GCH1: variants seen among roughly 807,000 people sequenced by gnomAD.
The protein encoded by GCH1 is GTP cyclohydrolase 1.
A neutral mutation model predicts 25.9 loss-of-function variants in GCH1; 5 were observed. The ratio of observed to expected loss-of-function variants is 0.19; its 90% confidence interval spans 0.10 to 0.41. The LOEUF is 0.41. Among genes scored for constraint, GCH1 ranks in the 10% least tolerant of loss-of-function variants. The pLI is 1.00. For missense variants in GCH1, 261 were observed against 336.5 expected (o/e 0.78, Z 1.75); for synonymous variants, 159 against 129.6 (o/e 1.23, Z -1.54).
chr14:54,872,595 G>C (rs2040097365), intron 1 of GCH1, among the ~76,000 whole-genome samples: 1 of 152,130 alleles, frequency 6.6e-6, no homozygotes, highest in Admixed American at 6.6e-5. Context: ...GCTGTATTCA[G>C]GAAACCCATC....
At chr14:54,901,522 G>C (rs2040565831) in intron 1 of GCH1, among the ~76,000 whole-genome samples, 1 of 152,182 alleles carries the variant, frequency 6.6e-6, no homozygotes, top group Non-Finnish European at 1.5e-5. Flanking sequence ...TAACAGCACC[G>C]GGTCAACCCG....
chr14:54,849,089 G>A (rs1418766269), intron 3 of GCH1, among the ~76,000 whole-genome samples: 1 of 152,224 alleles, frequency 6.6e-6, no homozygotes, highest in Non-Finnish European at 1.5e-5. Flanking sequence ...CAATAGGAAT[G>A]CCTCTAGGAT....
At chr14:54,856,774 G>A (rs1021899974) in intron 3 of GCH1, among the ~76,000 whole-genome samples, 1 of 152,050 alleles carries the variant, frequency 6.6e-6, no homozygotes, top group Non-Finnish European at 1.5e-5. Flanking sequence ...ATTTCTAAGG[G>A]AAGAAAATGA....
chr14:54,845,025 T>C (rs1051283737), intron 5 of GCH1, among the ~76,000 whole-genome samples: 11 of 151,600 alleles, frequency 7.3e-5, no homozygotes, highest in African/African-American at 2.7e-4. Context: ...ATACGAAAAT[T>C]AGCTGGGTGT....
intron 1 of GCH1, among the ~76,000 whole-genome samples, chr14:54,868,057 T>C (rs1289397873): frequency 6.6e-6 from 1 of 152,092 alleles, no homozygotes; most frequent in Non-Finnish European, 1.5e-5. Context: ...TTCCCAAAAA[T>C]CCATAACTGC....
intron 1 of GCH1, among the ~76,000 whole-genome samples, chr14:54,872,722 A>G (rs1461095159): frequency 6.6e-6 from 1 of 152,208 alleles, no homozygotes. Flanking sequence ...AACAGACTTT[A>G]AACCAACAAA....
At chr14:54,851,797 T>C (rs2039734867) in intron 3 of GCH1, among the ~76,000 whole-genome samples, 1 of 152,160 alleles carries the variant, frequency 6.6e-6, no homozygotes, top group Non-Finnish European at 1.5e-5. Flanking sequence ...AGTTCAACCA[T>C]TGTGGAAGAC....
intron 1 of GCH1, among the ~76,000 whole-genome samples, chr14:54,897,325 G>C (rs2040502646): frequency 7.2e-6 from 1 of 139,318 alleles, no homozygotes; most frequent in Non-Finnish European, 1.5e-5. Flanking sequence ...TTTCGCTCTT[G>C]TTGCCCAGGC....
intron 1 of GCH1, among the ~76,000 whole-genome samples, chr14:54,894,468 C>T (rs1021989104): frequency 1.1e-4 from 16 of 152,062 alleles, no homozygotes; most frequent in African/African-American, 3.9e-4. Flanking sequence ...GTCTCTAGAA[C>T]TGTGAGACTG....
intron 4 of GCH1, among the ~76,000 whole-genome samples, 160 bp downstream of exon 4, chr14:54,846,939 A>C (rs1188711065): frequency 1.3e-5 from 2 of 152,142 alleles, no homozygotes; most frequent in Non-Finnish European, 2.9e-5. Flanking sequence ...ATGCACTCTT[A>C]TAATCTCAGC....
chr14:54,842,955 G>A lies in GCH1; in HGVS notation c.*1062C>T, dbSNP rs1038747682. 1.3e-5 allele frequency: 9 copies of A among 711,706 alleles called. No individual in the cohort carries two copies. In the East Asian group the frequency reaches 1.3e-4, roughly 10 times the overall value. 44.1% of individuals were successfully genotyped at this position (711,706 alleles called of 1,614,324 possible). ...GTGCATTTTCACAGATCGTTGGTAC[G>A]ATACGCTTTGGTTAAAACGTTGGAC... On this transcript the variant is annotated 3_prime_UTR_variant, in exon 6 of 6. Transcript: ENST00000491895.
chr14:54,861,095 A>T (rs2039890213), intron 2 of GCH1, among the ~76,000 whole-genome samples: 1 of 152,236 alleles, frequency 6.6e-6, no homozygotes, highest in Non-Finnish European at 1.5e-5. Context: ...ATAAAATTAG[A>T]GACTCAACGG....
At chr14:54,849,597 T>A (rs1241705055) in intron 3 of GCH1, among the ~76,000 whole-genome samples, 1 of 152,246 alleles carries the variant, frequency 6.6e-6, no homozygotes, top group Non-Finnish European at 1.5e-5. Flanking sequence ...TTAATTTGAC[T>A]TATTTGGAAT....
chr14:54,891,736 G>A (rs568948349), intron 1 of GCH1, among the ~76,000 whole-genome samples: 1 of 152,202 alleles, frequency 6.6e-6, no homozygotes, highest in Non-Finnish European at 1.5e-5. Context: ...TAAAATGCAC[G>A]CTATTCTGAG....
chr14:54,878,051 C>T lies in GCH1; in HGVS notation c.344-12615G>A, dbSNP rs1173219700. ...ACTTCATCTCTTCAAAATGCTCCTA[C>T]TCAAATATATAGGTAAATATTTAAG... On this transcript the variant is annotated intron_variant, in intron 1 of 5. Coordinates refer to ENST00000491895, the MANE Select transcript of GCH1 (RefSeq NM_000161.3). 1.9e-5 allele frequency: 3 copies of T among 154,232 alleles called. No homozygotes were observed. The Admixed American group carries it at 2.0e-4, about 10-fold the overall frequency. 9.6% of individuals were successfully genotyped at this position (154,232 alleles called of 1,614,324 possible).
chr14:54,878,104 G>C (rs546352000), intron 1 of GCH1: 1 of 154,882 alleles, frequency 6.5e-6, no homozygotes, highest in African/African-American at 2.4e-5. Flanking sequence ...CTGCTGTGGA[G>C]AAAGTGAGGG....
chr14:54,882,431 C>CGAAA (rs1273424767), intron 1 of GCH1, among the ~76,000 whole-genome samples: 1 of 152,246 alleles, frequency 6.6e-6, no homozygotes, highest in East Asian at 1.9e-4. Flanking sequence ...ACTCGCCTTT[C>CGAAA]TGGTCTCAGT....
intron 1 of GCH1, among the ~76,000 whole-genome samples, chr14:54,892,686 C>A (rs571848552): frequency 6.6e-6 from 1 of 151,960 alleles, no homozygotes; most frequent in African/African-American, 2.4e-5. Flanking sequence ...AAGACTCTAT[C>A]TCAAAAAATA....
At chr14:54,875,195 C>A (rs925597898) in intron 1 of GCH1, among the ~76,000 whole-genome samples, 1 of 152,162 alleles carries the variant, frequency 6.6e-6, no homozygotes, top group Non-Finnish European at 1.5e-5. Flanking sequence ...CGATCTTTGA[C>A]AAACCTGACA....
Sources: allele counts gnomAD v4.1 joint callset (sites outside exome capture counted in the v4.1 genomes callset), GRCh38; gene constraint gnomAD v4.1.1; transcripts MANE v1.5; gene names NCBI Gene and HGNC (gene_info 2026-07-23, HGNC 2026-07-21).